Variants in DAB1 observed in about 807,000 individuals in gnomAD.
DAB1 encodes disabled homolog 1.
In DAB1, 15 loss-of-function variants were observed where a neutral mutation model predicts 64.6. The ratio of observed to expected loss-of-function variants is 0.23; its 90% CI spans 0.16 to 0.36. The LOEUF is 0.36. Among genes scored for constraint, DAB1 ranks in the 10% least tolerant of loss-of-function variants. The pLI, the probability that DAB1 is intolerant of heterozygous loss-of-function variation, is 1.00. For missense variants in DAB1, 596 were observed against 706.7 expected (o/e 0.84, Z 1.78); for synonymous variants, 235 against 251.9 (o/e 0.93, Z 0.64).
chr1:57,477,491 C>T (rs181879377), intron 7 of DAB1, among the ~76,000 whole-genome samples: 59 of 152,272 alleles, frequency 3.9e-4, no homozygotes, highest in Non-Finnish European at 1.3e-4. Flanking sequence ...ACACTTATTT[C>T]AGGACACTAG....
chr1:58,123,050 T>C (rs984343160), intron 5 of DAB1, among the ~76,000 whole-genome samples: 7 of 152,160 alleles, frequency 4.6e-5, no homozygotes, highest in African/African-American at 1.7e-4. Flanking sequence ...AATAGAAATG[T>C]CTGCCTTTAT....
intron 5 of DAB1, among the ~76,000 whole-genome samples, chr1:58,084,895 C>T (rs1407021089): frequency 6.6e-6 from 1 of 151,724 alleles, no homozygotes; most frequent in Non-Finnish European, 1.5e-5. Flanking sequence ...GTGATAATGG[C>T]TACTTCTGGA....
intron 6 of DAB1, among the ~76,000 whole-genome samples, chr1:57,695,294 GAGAAGGAA>G (rs1388712038): frequency 0.03 from 1,560 of 52,142 alleles, 245 homozygotes; most frequent in African/African-American, 0.07. Flanking sequence ...GAAAGGGAGA[GAGAAGGAA>G]AGAAAGAAAG....
chr1:57,642,337 T>A (rs1473926608), intron 7 of DAB1, among the ~76,000 whole-genome samples: 1 of 152,178 alleles, frequency 6.6e-6, no homozygotes, highest in Non-Finnish European at 1.5e-5. Flanking sequence ...GGAAGCTGAT[T>A]CCCTAGCCCT....
intron 1 of DAB1, among the ~76,000 whole-genome samples, chr1:57,313,110 T>G (rs907680760): frequency 1.3e-5 from 2 of 152,174 alleles, no homozygotes; most frequent in Non-Finnish European, 1.5e-5. Context: ...GCCCCAGTTT[T>G]TAGGCACTCA....
chr1:58,493,267 C>A (rs1645732928), intron 3 of DAB1, among the ~76,000 whole-genome samples: 1 of 152,130 alleles, frequency 6.6e-6, no homozygotes, highest in African/African-American at 2.4e-5. Flanking sequence ...GGACGTATCT[C>A]AAAATAGTAA....
intron 12 of DAB1, among the ~76,000 whole-genome samples, chr1:57,014,603 C>G (rs551683047): frequency 6.0e-4 from 92 of 152,272 alleles, no homozygotes; most frequent in South Asian, 1.7e-3. Context: ...TTGTCTTCAT[C>G]TTTGAGCCTC....
chr1:57,456,564 A>G (rs190703604), intron 7 of DAB1, among the ~76,000 whole-genome samples: 2 of 152,296 alleles, frequency 1.3e-5, no homozygotes, highest in African/African-American at 4.8e-5. Flanking sequence ...CTGTGGTTTA[A>G]AATAGTATTT....
intron 1 of DAB1, among the ~76,000 whole-genome samples, chr1:57,387,655 C>G (rs1333733722): frequency 6.6e-6 from 1 of 151,916 alleles, no homozygotes; most frequent in Non-Finnish European, 1.5e-5. Flanking sequence ...AGCCCCATCT[C>G]TACTAAAAAT....
chr1:58,310,839 A>G (rs1397901187), intron 4 of DAB1, among the ~76,000 whole-genome samples: 1 of 152,108 alleles, frequency 6.6e-6, no homozygotes, highest in Non-Finnish European at 1.5e-5. Flanking sequence ...GCTGAGTCCT[A>G]CTATGGATCA....
intron 4 of DAB1, among the ~76,000 whole-genome samples, chr1:58,282,648 G>A (rs1661589971): frequency 6.7e-6 from 1 of 149,580 alleles, no homozygotes; most frequent in South Asian, 2.1e-4. Context: ...GCAATAGAAG[G>A]CACATATGAT....
rs964229509 is a variant in DAB1, at chr1:58,068,161, G to C, written n.387+82350C>G. The stretch of plus-strand genomic sequence containing the variant: ...CCGTGAAGAGCACTAGTGCAGATGA[G>C]ATGCCAGACAAAACAGGAAGTATCC... On this transcript the variant is annotated intron_variant and non_coding_transcript_variant, in intron 5 of 20. Transcript: ENST00000485760. Among the ~76,000 whole-genome samples, 5 of 152,272 alleles carry C rather than the reference G, an allele frequency of 3.3e-5. No individual in the cohort carries two copies. The South Asian group carries it at 8.3e-4, about 25-fold the overall frequency.
At chr1:58,507,298 C>G (rs888070985) in intron 2 of DAB1, among the ~76,000 whole-genome samples, 2 of 151,732 alleles carry the variant, frequency 1.3e-5, no homozygotes, top group East Asian at 1.9e-4. Flanking sequence ...ATATACTATA[C>G]TGACTAAAAT....
At chr1:57,309,548 C>G (rs1005653740) in intron 1 of DAB1, among the ~76,000 whole-genome samples, 3 of 152,080 alleles carry the variant, frequency 2.0e-5, no homozygotes, top group African/African-American at 7.2e-5. Flanking sequence ...ACATAACTTA[C>G]CAAAACTCAA....
intron 7 of DAB1, among the ~76,000 whole-genome samples, chr1:57,624,341 T>C (rs941175301): frequency 1.3e-5 from 2 of 152,174 alleles, no homozygotes; most frequent in African/African-American, 4.8e-5. Context: ...ACCAGCTATA[T>C]GACCTTTCCC....
At chr1:57,556,852 A>C (rs1644994823) in intron 7 of DAB1, among the ~76,000 whole-genome samples, 1 of 152,204 alleles carries the variant, frequency 6.6e-6, no homozygotes, top group Admixed American at 6.6e-5. Flanking sequence ...TCTTTGCCTA[A>C]GCCAATGTCT....
At chr1:57,188,390 GA>G (rs962598791) in intron 2 of DAB1, among the ~76,000 whole-genome samples, 14 of 151,174 alleles carry the variant, frequency 9.3e-5, no homozygotes, top group East Asian at 1.9e-4. Context: ...AAAAAGGCAG[GA>G]AAAAAAAATT....
intron 5 of DAB1, among the ~76,000 whole-genome samples, chr1:58,126,795 T>G (rs1653130116): frequency 6.6e-6 from 1 of 151,758 alleles, no homozygotes. Context: ...AACCCATCAT[T>G]TTTTATGGCT....
intron 1 of DAB1, among the ~76,000 whole-genome samples, chr1:57,305,321 G>A (rs1674043154): frequency 2.6e-5 from 4 of 152,192 alleles, no homozygotes; most frequent in Admixed American, 2.6e-4. Flanking sequence ...AGCTAGCAGG[G>A]AGAAAGAAGC....
Sources: allele counts gnomAD v4.1 joint callset (sites outside exome capture counted in the v4.1 genomes callset), GRCh38; gene constraint gnomAD v4.1.1; transcripts MANE v1.5; gene names NCBI Gene and HGNC (gene_info 2026-07-23, HGNC 2026-07-21).